Variants in INSIG2 observed in about 807,000 individuals in gnomAD.
The protein encoded by INSIG2 is insulin-induced gene 2 protein.
Under a neutral mutation model 27.2 loss-of-function variants are expected in INSIG2, and 10 were observed. That is an observed-to-expected ratio of 0.37 (90% CI 0.23 to 0.62). The LOEUF (loss-of-function observed/expected upper bound fraction) is 0.62. Ranked by LOEUF, INSIG2 falls within the 20% of genes least tolerant of loss-of-function variation. The probability of loss-of-function intolerance (pLI) is 0.65; values close to 1 mark genes in which losing one functional copy is unlikely to be tolerated. For synonymous variants in INSIG2, 97 were observed against 95.8 expected (o/e 1.01, Z -0.07); for missense variants, 178 against 270.2 (o/e 0.66, Z 2.39).
chr2:118,105,873 G>C (rs143910675), intron 3 of INSIG2, among the ~76,000 whole-genome samples: 97 of 152,294 alleles, frequency 6.4e-4, no homozygotes, highest in African/African-American at 2.3e-3. Flanking sequence ...TTGGGACATA[G>C]ATAATGCCCT....
At position 118,106,886 on chromosome 2, in the gene INSIG2, A is replaced by G. The variant is rs762913030; in HGVS notation, c.519A>G (p.Val173=). Reference sequence around the variant, plus strand: ...CAACTGTGGTCACTCAACTGCTAGTATATAATGGTGTTTACCAGTAAGTAT... The same window carrying G: ...CAACTGTGGTCACTCAACTGCTAGTGTATAATGGTGTTTACCAGTAAGTAT... ...FLATVVTQLL[V]YNGVYQYTSP... Residue 173 remains valine (V), a synonymous_variant, in exon 4 of 6, where the codon GTA becomes GTG. Transcript: ENST00000245787. 8.7e-6 allele frequency: 14 copies of G among 1,613,976 alleles called. No individual in the cohort carries two copies. Among genetic ancestry groups the G allele is most frequent in the East Asian group, 2.2e-5 (1 of 44,884 alleles).
At chr2:118,103,915 G>A (rs1678611520) in intron 3 of INSIG2, among the ~76,000 whole-genome samples, 1 of 152,140 alleles carries the variant, frequency 6.6e-6, no homozygotes, top group African/African-American at 2.4e-5. Flanking sequence ...TGGTTAATGA[G>A]TATTTTTACA....
At chr2:118,103,598 A>T (rs543578419) in intron 3 of INSIG2, among the ~76,000 whole-genome samples, 1 of 152,186 alleles carries the variant, frequency 6.6e-6, no homozygotes. Flanking sequence ...TTACTTAATT[A>T]CTTTTGTGTA....
At chr2:118,096,278 CTG>C (rs1323944993) in intron 1 of INSIG2, 139 bp from the exon 2 acceptor site, 7 of 276,618 alleles carry the variant, frequency 2.5e-5, no homozygotes, top group Admixed American at 2.0e-4. Flanking sequence ...CAATAAATAA[CTG>C]TTAGTAATTT....
Position 118,107,073 on chromosome 2 carries a change from C to T in INSIG2, c.537-17C>T, listed in dbSNP as rs769514065. 3.2e-6 allele frequency: 5 copies of T among 1,548,280 alleles called. No homozygotes were observed. The highest frequency in any genetic ancestry group is 4.5e-6 in the Non-Finnish European group (5 of 1,121,702). ...GCAGTTCCTCTGTGGGTATTAAAGA[C>T]ATGTCTGTTATTCTAGATATACATC... On this transcript the variant is annotated splice_polypyrimidine_tract_variant and intron_variant, in intron 4 of 5. Transcript: ENST00000245787.
chr2:118,099,128 C>T (rs1384798839), intron 2 of INSIG2, among the ~76,000 whole-genome samples: 3 of 152,194 alleles, frequency 2.0e-5, no homozygotes, highest in African/African-American at 4.8e-5. Context: ...ATTTAAGAAA[C>T]ATAGTGTGTT....
intron 1 of INSIG2, among the ~76,000 whole-genome samples, chr2:118,092,431 T>C (rs1678277000): frequency 6.6e-6 from 1 of 152,222 alleles, no homozygotes; most frequent in African/African-American, 2.4e-5. Context: ...AGTCACCTGC[T>C]TGTTTTGGCT....
intron 3 of INSIG2, 114 bp downstream of exon 3, chr2:118,103,435 CAGA>C: frequency 1.2e-6 from 1 of 845,428 alleles, no homozygotes; most frequent in Non-Finnish European, 1.8e-6. Context: ...CCCACTTAGT[CAGA>C]AGAAGAATGT....
intron 1 of INSIG2, among the ~76,000 whole-genome samples, chr2:118,091,541 A>G (rs967327193): frequency 1.3e-5 from 2 of 152,200 alleles, no homozygotes; most frequent in Admixed American, 6.5e-5. Context: ...AAAAATGCAT[A>G]TATATACAAC....
rs899903162 is a variant in INSIG2 at position 118,110,926 on chromosome 2, G to A, written c.*2604G>A. On this transcript the variant is annotated 3_prime_UTR_variant, in exon 6 of 6. Coordinates refer to ENST00000245787, the MANE Select transcript of INSIG2 (RefSeq NM_016133.4). Reference sequence around the variant, plus strand: ...ATTGGGACCTCTCAATGATGCATATGTTTCATACATCTTGTATTTTCCAGG... The same window carrying A: ...ATTGGGACCTCTCAATGATGCATATATTTCATACATCTTGTATTTTCCAGG... The A allele has an allele frequency of 6.6e-6, 1 of 152,174 alleles. No individual in the cohort carries two copies. The highest frequency in any genetic ancestry group is 2.4e-5 in the African/African-American group (1 of 41,436). 9.4% of individuals were successfully genotyped at this position (152,174 alleles called of 1,614,324 possible). A position where few individuals can be genotyped will look rare whatever the true frequency, so the allele number is the denominator to read the frequency against.
intron 3 of INSIG2, among the ~76,000 whole-genome samples, chr2:118,106,144 A>G (rs1403648195): frequency 6.6e-6 from 1 of 152,236 alleles, no homozygotes; most frequent in Admixed American, 6.5e-5. Flanking sequence ...ACAAATTAAA[A>G]CTAGAACAGT....
chr2:118,096,458 C>A lies in INSIG2; in HGVS notation c.-99C>A. 8.1e-7 allele frequency: 1 copy of A among 1,235,560 alleles called. No homozygotes were observed. Among genetic ancestry groups the A allele is most frequent in the Non-Finnish European group, 1.1e-6 (1 of 897,494 alleles). The allele number at this position is 1,235,560 out of a possible 1,614,324, so 76.5% of individuals were successfully genotyped here. Reference sequence around the variant, plus strand: ...CCTACTTTAGGACAAGATGTGGTACCGTTGAAGCGTCAGTCTTTGATTCAC... The same window carrying A: ...CCTACTTTAGGACAAGATGTGGTACAGTTGAAGCGTCAGTCTTTGATTCAC... On this transcript the variant is annotated 5_prime_UTR_variant, in exon 2 of 6. Coordinates refer to ENST00000245787, the MANE Select transcript of INSIG2 (RefSeq NM_016133.4).
In INSIG2 at chr2:118,096,408, A is replaced by G; in HGVS notation, c.-138-11A>G. On this transcript the variant is annotated splice_polypyrimidine_tract_variant and intron_variant, in intron 1 of 5. Coordinates refer to ENST00000245787, the MANE Select transcript of INSIG2 (RefSeq NM_016133.4). ...GATACACATTAATTTCTTTTTTCTTATCTCTTGCAGGATTTCTGGTAGGTC... is the reference window on the plus strand; with the variant it reads ...GATACACATTAATTTCTTTTTTCTTGTCTCTTGCAGGATTTCTGGTAGGTC... 3.0e-6 allele frequency: 2 copies of G among 676,936 alleles called. No homozygotes were observed. The highest frequency in any genetic ancestry group is 4.4e-5 in the South Asian group (2 of 45,966). The allele number at this position is 676,936 out of a possible 1,614,324, so 41.9% of individuals were successfully genotyped here.
rs538407678 is a variant in INSIG2, at chr2:118,110,682, AT to A, written c.*2367del. On this transcript the variant is annotated 3_prime_UTR_variant, in exon 6 of 6. Coordinates refer to ENST00000245787, the MANE Select transcript of INSIG2 (RefSeq NM_016133.4). The stretch of plus-strand genomic sequence containing the variant: ...ATAAATATATAAATGTATAGAACCT[AT>A]TTTTTTCAATGAAAGAAAATGGGAA... 6.6e-6 allele frequency: 1 copy of A among 152,156 alleles called. No homozygotes were observed. Among genetic ancestry groups the A allele is most frequent in the African/African-American group, 2.4e-5 (1 of 41,420 alleles). 9.4% of individuals were successfully genotyped at this position (152,156 alleles called of 1,614,324 possible). A position where few individuals can be genotyped will look rare whatever the true frequency, so the allele number is the denominator to read the frequency against.
intron 1 of INSIG2, among the ~76,000 whole-genome samples, chr2:118,091,123 T>C (rs934616964): frequency 1.3e-5 from 2 of 152,196 alleles, no homozygotes; most frequent in African/African-American, 4.8e-5. Context: ...CCACTTTGTT[T>C]TAAGAAAATG....
chr2:118,097,017 A>G (rs932140447), intron 2 of INSIG2, among the ~76,000 whole-genome samples: 1 of 152,174 alleles, frequency 6.6e-6, no homozygotes, highest in Non-Finnish European at 1.5e-5. Flanking sequence ...GAACATTTCC[A>G]TCACCCTCCA....
chr2:118,108,879 A>T lies in INSIG2; in HGVS notation c.*557A>T, dbSNP rs1014437984. 1 of 152,174 alleles carries T rather than the reference A, an allele frequency of 6.6e-6. No individual in the cohort carries two copies. The highest frequency in any genetic ancestry group is 2.4e-5 in the African/African-American group (1 of 41,438). 9.4% of individuals were successfully genotyped at this position (152,174 alleles called of 1,614,324 possible). On this transcript the variant is annotated 3_prime_UTR_variant, in exon 6 of 6. Transcript: ENST00000245787. The stretch of plus-strand genomic sequence containing the variant: ...TTAGTTTCTAATTTAATGTTGTTTC[A>T]TAGAGTTTGGAGTGTTTTGATACAG...
chr2:118,089,453 T>A (rs1678174207), intron 1 of INSIG2, among the ~76,000 whole-genome samples: 1 of 152,136 alleles, frequency 6.6e-6, no homozygotes, highest in Non-Finnish European at 1.5e-5. Flanking sequence ...CCCGTCCTGG[T>A]GCAGAAAAAA....
At chr2:118,101,688 T>C (rs1219682995) in intron 2 of INSIG2, among the ~76,000 whole-genome samples, 1 of 152,228 alleles carries the variant, frequency 6.6e-6, no homozygotes, top group Non-Finnish European at 1.5e-5. Context: ...GCCATTTTAT[T>C]TGTATAGAAA....
Sources: allele counts gnomAD v4.1 joint callset (sites outside exome capture counted in the v4.1 genomes callset), GRCh38; gene constraint gnomAD v4.1.1; transcripts MANE v1.5; gene names NCBI Gene and HGNC (gene_info 2026-07-23, HGNC 2026-07-21).